The following OVOL2 variants were observed in gnomAD, a reference collection of about 807,000 sequenced individuals.
OVOL2 encodes transcription factor Ovo-like 2.
In OVOL2, 13 loss-of-function variants were observed where a neutral mutation model predicts 18.1. The ratio of observed to expected loss-of-function variants is 0.72; its 90% CI spans 0.47 to 1.14. The LOEUF (loss-of-function observed/expected upper bound fraction) is 1.14. Among genes scored for constraint, OVOL2 ranks in the 50% most tolerant of loss-of-function variants. The pLI is 0.00. For missense variants in OVOL2, 335 were observed against 383.0 expected, an observed-to-expected ratio of 0.87 and a Z score of 1.05; for synonymous variants, 166 against 162.7, an observed-to-expected ratio of 1.02 and a Z score of -0.16.
At chr20:18,028,241 A>G (rs543763341) in intron 3 of OVOL2, among the ~76,000 whole-genome samples, 2 of 151,942 alleles carry the variant, frequency 1.3e-5, no homozygotes, top group South Asian at 2.1e-4. Flanking sequence ...CAGTGGCATA[A>G]TCTTGGCTCA....
At chr20:18,036,389 T>A (rs1600439589) in intron 3 of OVOL2, among the ~76,000 whole-genome samples, 1 of 152,094 alleles carries the variant, frequency 6.6e-6, no homozygotes, top group African/African-American at 2.4e-5. Context: ...ACAACACATC[T>A]CAATCTGGAC....
In OVOL2 at chr20:18,057,057, G is replaced by T. The variant is rs184183121; in HGVS notation, c.101-180C>A. Among the ~76,000 whole-genome samples the T allele has an allele frequency of 6.0e-4, 91 of 152,284 alleles. No individual in the cohort carries two copies. The highest frequency in any genetic ancestry group is 2.0e-3 in the African/African-American group (83 of 41,588). ...AATCGGCCCACAGAGCTAGCTTGGGGTGCTCGGAGCCTCTTTCCGGTCCCA... is the reference window on the plus strand; with the variant it reads ...AATCGGCCCACAGAGCTAGCTTGGGTTGCTCGGAGCCTCTTTCCGGTCCCA... On this transcript the variant is annotated intron_variant, in intron 1 of 3. Coordinates refer to ENST00000278780, the MANE Select transcript of OVOL2 (RefSeq NM_021220.4). The surrounding 1 kb of genome is among the most constrained non-coding windows in gnomAD (Gnocchi z 6.3).
intron 2 of OVOL2, among the ~76,000 whole-genome samples, chr20:18,042,743 C>T (rs1364336225): frequency 1.4e-5 from 2 of 145,874 alleles, no homozygotes; most frequent in Non-Finnish European, 3.0e-5. Flanking sequence ...GCTATTGCAT[C>T]CAGCCTGGGC....
At chr20:18,042,526 C>T (rs1392843147) in intron 2 of OVOL2, among the ~76,000 whole-genome samples, 2 of 151,970 alleles carry the variant, frequency 1.3e-5, no homozygotes, top group African/African-American at 4.8e-5. Context: ...CCTGTAATCC[C>T]AGCACTTTGG....
At chr20:18,039,421 A>T (rs938514730) in intron 3 of OVOL2, among the ~76,000 whole-genome samples, 2 of 152,056 alleles carry the variant, frequency 1.3e-5, no homozygotes, top group African/African-American at 4.8e-5. Flanking sequence ...CAGGAGTTTG[A>T]GACCAGCCTG....
intron 3 of OVOL2, among the ~76,000 whole-genome samples, chr20:18,037,029 G>A (rs145852362): frequency 0.11 from 17,150 of 149,980 alleles, 1,098 homozygotes; most frequent in Middle Eastern, 0.16. Flanking sequence ...CCAGCTACTC[G>A]GGAGGCTGAG....
intron 3 of OVOL2, among the ~76,000 whole-genome samples, chr20:18,032,042 A>G (rs1484860186): frequency 6.6e-6 from 1 of 152,170 alleles, no homozygotes; most frequent in East Asian, 1.9e-4. Flanking sequence ...GCCTCCCCGG[A>G]AGGCAATTTG....
chr20:18,030,746 T>C (rs2036561298), intron 3 of OVOL2, among the ~76,000 whole-genome samples: 1 of 152,188 alleles, frequency 6.6e-6, no homozygotes, highest in African/African-American at 2.4e-5. Flanking sequence ...AAAGGAGACA[T>C]AGGCCCAGAA....
Position 18,057,506 on chromosome 20 carries a change from G to T in OVOL2, c.100+29C>A. On this transcript the variant is annotated intron_variant, in intron 1 of 3. Coordinates refer to ENST00000278780, the MANE Select transcript of OVOL2 (RefSeq NM_021220.4). The surrounding 1 kb of genome is among the most constrained non-coding windows in gnomAD (Gnocchi z 6.3). ...CCTTCCCCCACCCCGGGAGCCCAGCGCCCAGGCCCGGCCCCCGCGCGCGCT... is the reference window on the plus strand; with the variant it reads ...CCTTCCCCCACCCCGGGAGCCCAGCTCCCAGGCCCGGCCCCCGCGCGCGCT... The T allele has an allele frequency of 6.5e-7, 1 of 1,545,090 alleles. No individual in the cohort carries two copies. Among genetic ancestry groups the T allele is most frequent in the Non-Finnish European group, 8.7e-7 (1 of 1,143,144 alleles).
intron 3 of OVOL2, among the ~76,000 whole-genome samples, chr20:18,040,674 A>G (rs779781135): frequency 2.4e-4 from 36 of 152,200 alleles, no homozygotes; most frequent in Non-Finnish European, 4.9e-4. Context: ...GGACTCTGTG[A>G]AGAACTGGAA....
chr20:18,024,239 T>A lies in OVOL2; in HGVS notation c.*397A>T. The A allele has an allele frequency of 5.9e-6, 1 of 169,198 alleles. No homozygotes were observed. Among genetic ancestry groups the A allele is most frequent in the Non-Finnish European group, 1.3e-5 (1 of 77,732 alleles). 10.5% of individuals were successfully genotyped at this position (169,198 alleles called of 1,614,324 possible). ...GTAAACTCTTTCAGAATAACAAAAT[T>A]CACTTGCCTTGCTTAAACAGCATTT... On this transcript the variant is annotated 3_prime_UTR_variant, in exon 4 of 4. Coordinates refer to ENST00000278780, the MANE Select transcript of OVOL2 (RefSeq NM_021220.4).
chr20:18,051,433 A>C (rs2036770590), intron 2 of OVOL2, among the ~76,000 whole-genome samples: 1 of 152,142 alleles, frequency 6.6e-6, no homozygotes, highest in Non-Finnish European at 1.5e-5. Flanking sequence ...AGAGGACAGA[A>C]TTAGATTATT....
chr20:18,042,775 CA>C (rs141784334), intron 2 of OVOL2, among the ~76,000 whole-genome samples: 39 of 93,538 alleles, frequency 4.2e-4, no homozygotes, highest in Middle Eastern at 5.2e-3. Context: ...AACTCCGTCT[CA>C]AAAAAAAAAA....
chr20:18,039,813 C>G (rs910095136), intron 3 of OVOL2, among the ~76,000 whole-genome samples: 2 of 152,074 alleles, frequency 1.3e-5, no homozygotes, highest in Non-Finnish European at 1.5e-5. Flanking sequence ...TAAGAAGGAA[C>G]CTGTATGAGG....
At position 18,056,902 on chromosome 20, in the gene OVOL2, G is replaced by C; in HGVS notation, c.101-25C>G. On this transcript the variant is annotated intron_variant, in intron 1 of 3. Transcript: ENST00000278780. The surrounding 1 kb of genome is among the most constrained non-coding windows in gnomAD (Gnocchi z 4.2). ...ACTGTGGAGGGAGGGGCCGCGCCCC[G>C]ACACACACACTCGGCGTCAACCCGC... 1 of 1,474,814 alleles carries C rather than the reference G, an allele frequency of 6.8e-7. No individual in the cohort carries two copies. 91.4% of individuals were successfully genotyped at this position (1,474,814 alleles called of 1,614,324 possible). A position where few individuals can be genotyped will look rare whatever the true frequency, so the allele number is the denominator to read the frequency against.
chr20:18,056,077 T>C lies in OVOL2; in HGVS notation c.321+580A>G, dbSNP rs2036821010. Among the ~76,000 whole-genome samples, 1 of 152,178 alleles carries C rather than the reference T, an allele frequency of 6.6e-6. No homozygotes were observed. The highest frequency in any genetic ancestry group is 1.5e-5 in the Non-Finnish European group (1 of 68,026). On this transcript the variant is annotated intron_variant, in intron 2 of 3. Coordinates refer to ENST00000278780, the MANE Select transcript of OVOL2 (RefSeq NM_021220.4). This position sits in a 1 kb window ranked among gnomAD's most constrained non-coding sequence, Gnocchi z 4.2. ...TTTACCCATCAATTTAATTCAAGAT[T>C]GGAAAGATGACAGATCTAAAGTGCC...
Position 18,057,349 on chromosome 20 carries a change from G to A in OVOL2, c.100+186C>T, listed in dbSNP as rs189025929. Among the ~76,000 whole-genome samples, 140 of 152,254 alleles carry A rather than the reference G, an allele frequency of 9.2e-4. No individual in the cohort carries two copies. The highest frequency in any genetic ancestry group is 3.0e-3 in the African/African-American group (123 of 41,552). The stretch of plus-strand genomic sequence containing the variant: ...AGGCTCCCACTACGGGGAAGGGGGC[G>A]CCTAGAGTCTGGGGCATCCCAGTCC... On this transcript the variant is annotated intron_variant, in intron 1 of 3. Transcript: ENST00000278780. This position sits in a 1 kb window ranked among gnomAD's most constrained non-coding sequence, Gnocchi z 6.3.
Position 18,024,624 on chromosome 20 carries a change from C to T in OVOL2, c.*12G>A, listed in dbSNP as rs554489021. The T allele has an allele frequency of 6.4e-7, 1 of 1,571,010 alleles. No individual in the cohort carries two copies. Among genetic ancestry groups the T allele is most frequent in the East Asian group, 2.3e-5 (1 of 43,672 alleles). The stretch of plus-strand genomic sequence containing the variant: ...GTGGCAGTGTGAACGTCTGTCCTCC[C>T]CTTCCTTCTCCTCACTTCCTCTCCT... On this transcript the variant is annotated 3_prime_UTR_variant, in exon 4 of 4. Coordinates refer to ENST00000278780, the MANE Select transcript of OVOL2 (RefSeq NM_021220.4).
chr20:18,024,832 T>A lies in OVOL2; in HGVS notation c.632A>T (p.Asp211Val). The change falls in exon 4 of 4, where the codon GAC becomes GTC. Residue 211 changes from aspartate (D) to valine (V), a missense_variant. Physicochemically the swap from Asp to Val is radical, Grantham distance 152 (BLOSUM62 -3). Transcript: ENST00000278780. ...GCAATCCTCGCAGACGTAGAGCTTGTCCCGCCGCTGCTTATAGGCATACTG... is the reference window on the plus strand; with the variant it reads ...GCAATCCTCGCAGACGTAGAGCTTGACCCGCCGCTGCTTATAGGCATACTG... ...QQQYAYKQRR[D>V]KLYVCEDCGY... The A allele has an allele frequency of 6.2e-7, 1 of 1,614,092 alleles. No individual in the cohort carries two copies.
Sources: allele counts gnomAD v4.1 joint callset (sites outside exome capture counted in the v4.1 genomes callset), GRCh38; gene constraint gnomAD v4.1.1; non-coding constraint Gnocchi (gnomAD v3.1); transcripts MANE v1.5; gene names NCBI Gene and HGNC (gene_info 2026-07-23, HGNC 2026-07-21).